The following ARL15 variants were observed in gnomAD, a reference collection of about 807,000 sequenced individuals.
ARL15 encodes ADP-ribosylation factor-like protein 15.
Under a neutral mutation model 25.2 loss-of-function variants are expected in ARL15, and 19 were observed. The ratio of observed to expected loss-of-function variants is 0.75; its 90% confidence interval spans 0.53 to 1.10. The LOEUF (loss-of-function observed/expected upper bound fraction) is 1.10. Ranked by LOEUF, ARL15 falls within the 50% of genes least tolerant of loss-of-function variation. ARL15 has a pLI of 0.00. For synonymous variants in ARL15, 94 were observed against 86.8 expected, an observed-to-expected ratio of 1.08 and a Z score of -0.46; for missense variants, 220 against 246.0, an observed-to-expected ratio of 0.89 and a Z score of 0.71.
At chr5:53,989,726 C>G (rs1424963137) in intron 4 of ARL15, among the ~76,000 whole-genome samples, 1 of 151,742 alleles carries the variant, frequency 6.6e-6, no homozygotes, top group East Asian at 2.0e-4. Flanking sequence ...GACAGGTACA[C>G]AATGCCAAAG....
chr5:54,175,109 C>T (rs1049589991), intron 1 of ARL15, among the ~76,000 whole-genome samples: 1 of 152,144 alleles, frequency 6.6e-6, no homozygotes, highest in Non-Finnish European at 1.5e-5. Context: ...CTAGAGCATC[C>T]GGTTTAAATT....
chr5:54,091,874 T>G (rs1372654920), intron 4 of ARL15, among the ~76,000 whole-genome samples: 1 of 152,122 alleles, frequency 6.6e-6, no homozygotes, highest in Non-Finnish European at 1.5e-5. Flanking sequence ...GGGTATACCA[T>G]AGAGGGCGGA....
intron 4 of ARL15, among the ~76,000 whole-genome samples, chr5:54,111,077 A>T (rs545003402): frequency 1.4e-4 from 21 of 152,216 alleles, no homozygotes; most frequent in African/African-American, 5.1e-4. Flanking sequence ...TAGCCCATGT[A>T]TCCCATTAAA....
rs942608266 is a variant in ARL15, at chr5:54,029,581, G to A, written c.462+83621C>T. On this transcript the variant is annotated intron_variant, in intron 4 of 4. Transcript: ENST00000504924. The stretch of plus-strand genomic sequence containing the variant: ...TTCAAAAGGCTTCTGAAAGTAGGCC[G>A]GGCATGGTGACTCTTGCCTGTAATC... Among the ~76,000 whole-genome samples, 7 of 152,110 alleles carry A rather than the reference G, an allele frequency of 4.6e-5. No individual in the cohort carries two copies. The South Asian group carries it at 8.3e-4, about 18-fold the overall frequency.
At chr5:53,930,818 A>G (rs1746173212) in intron 4 of ARL15, among the ~76,000 whole-genome samples, 1 of 152,340 alleles carries the variant, frequency 6.6e-6, no homozygotes, top group African/African-American at 2.4e-5. Flanking sequence ...TAAGCTGTAT[A>G]TATACCAATT....
At chr5:54,285,754 C>T (rs1261467078) in intron 1 of ARL15, among the ~76,000 whole-genome samples, 1 of 152,140 alleles carries the variant, frequency 6.6e-6, no homozygotes, top group Non-Finnish European at 1.5e-5. Flanking sequence ...GAATGAGGCC[C>T]TAGCTTGGGT....
intron 4 of ARL15, among the ~76,000 whole-genome samples, chr5:54,013,571 G>A (rs1486111193): frequency 6.6e-6 from 1 of 152,182 alleles, no homozygotes; most frequent in Non-Finnish European, 1.5e-5. Flanking sequence ...TGCAGGCATA[G>A]CTTACCTTCC....
chr5:53,941,967 C>T (rs1247234558), intron 4 of ARL15, among the ~76,000 whole-genome samples: 4 of 152,128 alleles, frequency 2.6e-5, no homozygotes, highest in African/African-American at 9.7e-5. Context: ...GGAAGTGGCA[C>T]AGTCTGATTT....
intron 1 of ARL15, among the ~76,000 whole-genome samples, chr5:54,216,385 CTT>C (rs1424735877): frequency 1.3e-5 from 2 of 152,124 alleles, no homozygotes; most frequent in African/African-American, 4.8e-5. Context: ...TCTAAAGTAA[CTT>C]TGACTCATGT....
intron 4 of ARL15, among the ~76,000 whole-genome samples, chr5:53,993,994 G>T (rs1158832487): frequency 6.6e-6 from 1 of 152,164 alleles, no homozygotes; most frequent in Non-Finnish European, 1.5e-5. Flanking sequence ...ACTATGGCAA[G>T]TAAGTTCATG....
rs58416810 is a variant in ARL15, at chr5:54,155,680, T to TCACACACACA, written c.194-1051_194-1042dup. 9.3e-4 allele frequency among the ~76,000 whole-genome samples: 139 copies of TCACACACACA among 150,038 alleles called. No individual in the cohort carries two copies. In the Middle Eastern group the frequency reaches 0.01, roughly 11 times the overall value. ...CATATGCAAGTGTGTATATACCCAT[T>TCACACACACA]CACACACACACACACACACACACGC... On this transcript the variant is annotated intron_variant, in intron 2 of 4. Transcript: ENST00000504924.
chr5:54,234,237 C>T (rs550411406), intron 1 of ARL15, among the ~76,000 whole-genome samples: 1 of 151,922 alleles, frequency 6.6e-6, no homozygotes, highest in African/African-American at 2.4e-5. Flanking sequence ...GTGATCCGCC[C>T]GTTTCAGCCT....
intron 4 of ARL15, among the ~76,000 whole-genome samples, chr5:54,029,330 CACT>C (rs879391852): frequency 0.056 from 6,459 of 115,936 alleles, 280 homozygotes; most frequent in African/African-American, 0.089. Flanking sequence ...CCACCACCAC[CACT>C]ACCACCACCA....
intron 1 of ARL15, among the ~76,000 whole-genome samples, chr5:54,181,266 G>GA (rs1339972826): frequency 1.3e-5 from 2 of 151,978 alleles, no homozygotes; most frequent in Non-Finnish European, 2.9e-5. Flanking sequence ...GGCTTGAAGG[G>GA]AAAAAATCAA....
intron 1 of ARL15, chr5:54,308,051 G>A (rs1017793280): frequency 3.9e-5 from 6 of 152,050 alleles, no homozygotes; most frequent in Non-Finnish European, 8.8e-5. Flanking sequence ...TTTAATAAAC[G>A]CCACACAGAG....
intron 2 of ARL15, among the ~76,000 whole-genome samples, chr5:54,161,968 C>T (rs1002916201): frequency 6.8e-6 from 1 of 147,606 alleles, no homozygotes; most frequent in African/African-American, 2.5e-5. Context: ...CCTTCCACCC[C>T]CTTTGTTCTT....
intron 1 of ARL15, among the ~76,000 whole-genome samples, chr5:54,277,377 A>C (rs1441742363): frequency 6.6e-6 from 1 of 152,210 alleles, no homozygotes; most frequent in Non-Finnish European, 1.5e-5. Flanking sequence ...ATGACTCTTC[A>C]TCTCAAGATG....
chr5:54,176,582 C>A (rs918323945), intron 1 of ARL15, among the ~76,000 whole-genome samples: 1 of 152,128 alleles, frequency 6.6e-6, no homozygotes, highest in Non-Finnish European at 1.5e-5. Context: ...TTGTACAATG[C>A]GAAACACAAT....
At chr5:53,888,287 AT>A (rs1387607180) in intron 4 of ARL15, among the ~76,000 whole-genome samples, 11 of 150,816 alleles carry the variant, frequency 7.3e-5, no homozygotes, top group African/African-American at 2.7e-4. Flanking sequence ...TTTTATTTTT[AT>A]TTTTTTAGAT....
Sources: allele counts gnomAD v4.1 joint callset (sites outside exome capture counted in the v4.1 genomes callset), GRCh38; gene constraint gnomAD v4.1.1; transcripts MANE v1.5; gene names NCBI Gene and HGNC (gene_info 2026-07-23, HGNC 2026-07-21).